CIMAP2: variants seen among roughly 807,000 people sequenced by gnomAD.
CIMAP2 encodes ciliary microtubule-associated protein 2.
the CIMAP2 span, chr1:54,812,282 G>C: frequency 6.5e-7 from 1 of 1,538,374 alleles, no homozygotes. Context: ...CTGTGTGCCA[G>C]GCTCTGCACC....
chr1:54,820,096 CTTTCTT>C, the CIMAP2 span, among the ~76,000 whole-genome samples: 2 of 47,914 alleles, frequency 4.2e-5, no homozygotes, highest in Non-Finnish European at 9.9e-5. Flanking sequence ...CTCCTTCTTT[CTTTCTT>C]TCTCTCTCTC....
chr1:54,817,512 C>G, the CIMAP2 span, among the ~76,000 whole-genome samples: 12 of 152,154 alleles, frequency 7.9e-5, no homozygotes, highest in Admixed American at 6.5e-5. Flanking sequence ...GAATCTGTTT[C>G]TTGGTGTTCA....
the CIMAP2 span, among the ~76,000 whole-genome samples, chr1:54,835,821 A>T: frequency 2.6e-5 from 4 of 152,010 alleles, no homozygotes. Flanking sequence ...GGTCGGGCCC[A>T]GGACTTCTCT....
the CIMAP2 span, among the ~76,000 whole-genome samples, chr1:54,838,833 C>T: frequency 7.9e-5 from 12 of 152,184 alleles, no homozygotes; most frequent in African/African-American, 2.7e-4. Flanking sequence ...GTGTGCAAGG[C>T]CTTTTGCAGC....
At chr1:54,842,168 A>G in the CIMAP2 span, 1 of 504,350 alleles carries the variant, frequency 2.0e-6, no homozygotes, top group Non-Finnish European at 3.5e-6. Flanking sequence ...GACTGAAGGG[A>G]TGGGACGTAG....
chr1:54,838,354 G>A, the CIMAP2 span, among the ~76,000 whole-genome samples: 2 of 151,758 alleles, frequency 1.3e-5, no homozygotes, highest in Non-Finnish European at 2.9e-5. Context: ...GCGGTGGTGG[G>A]TGCCTGTAGT....
the CIMAP2 span, chr1:54,807,162 G>A: frequency 7.0e-6 from 10 of 1,432,712 alleles, no homozygotes; most frequent in African/African-American, 1.1e-4. Flanking sequence ...TGGTGGATGA[G>A]CTGAGCTGTA....
the CIMAP2 span, among the ~76,000 whole-genome samples, chr1:54,814,305 G>A: frequency 4.0e-3 from 602 of 152,300 alleles, 1 homozygote; most frequent in African/African-American, 0.013. Flanking sequence ...GCCTCAGAGC[G>A]TTGGAGGATG....
the CIMAP2 span, among the ~76,000 whole-genome samples, chr1:54,835,591 A>C: frequency 6.6e-6 from 1 of 152,144 alleles, no homozygotes; most frequent in Admixed American, 6.5e-5. Flanking sequence ...TGAAGAGAAA[A>C]AGTGATTTTC....
At chr1:54,819,071 T>C in the CIMAP2 span, among the ~76,000 whole-genome samples, 1 of 152,182 alleles carries the variant, frequency 6.6e-6, no homozygotes, top group Non-Finnish European at 1.5e-5. Context: ...CTGTGAGTGA[T>C]TGGCAGGGGC....
the CIMAP2 span, chr1:54,817,145 G>T: frequency 6.2e-7 from 1 of 1,613,740 alleles, no homozygotes; most frequent in South Asian, 1.1e-5. Flanking sequence ...GGAGCTGCAG[G>T]CGAAGGGGCG....
chr1:54,830,688 T>C, the CIMAP2 span, among the ~76,000 whole-genome samples: 1 of 152,244 alleles, frequency 6.6e-6, no homozygotes, highest in South Asian at 2.1e-4. The surrounding 1 kb of genome is among the most constrained non-coding windows in gnomAD (Gnocchi z 4.1). Context: ...TTATACAGAT[T>C]ATCAAACTGA....
At chr1:54,822,494 T>C in the CIMAP2 span, among the ~76,000 whole-genome samples, 2 of 152,160 alleles carry the variant, frequency 1.3e-5, no homozygotes, top group Non-Finnish European at 2.9e-5. Context: ...CTGAGGTGCA[T>C]TGTTACGTTG....
the CIMAP2 span, chr1:54,841,743 G>A: frequency 4.4e-6 from 7 of 1,594,428 alleles, no homozygotes; most frequent in South Asian, 1.1e-5. Context: ...CAGGGATGAG[G>A]AGCTCACTCC....
At chr1:54,840,041 C>T in the CIMAP2 span, among the ~76,000 whole-genome samples, 2 of 152,114 alleles carry the variant, frequency 1.3e-5, no homozygotes, top group Non-Finnish European at 2.9e-5. Flanking sequence ...TGAGCCACCA[C>T]GCCCAGCCCA....
At chr1:54,819,653 G>A in the CIMAP2 span, among the ~76,000 whole-genome samples, 1 of 152,222 alleles carries the variant, frequency 6.6e-6, no homozygotes, top group African/African-American at 2.4e-5. Context: ...TTATAGACAT[G>A]AGCCACTGTG....
the CIMAP2 span, among the ~76,000 whole-genome samples, chr1:54,835,924 A>C: frequency 1.3e-5 from 2 of 152,080 alleles, no homozygotes; most frequent in Non-Finnish European, 2.9e-5. Flanking sequence ...AGGAAGGCTG[A>C]GGCATAGTTG....
chr1:54,813,699 C>T, the CIMAP2 span: 2 of 1,225,434 alleles, frequency 1.6e-6, no homozygotes, highest in Non-Finnish European at 2.2e-6. Context: ...GGGATGTCTG[C>T]ACAGCAGGAT....
chr1:54,822,872 G>A, the CIMAP2 span, among the ~76,000 whole-genome samples: 28 of 152,174 alleles, frequency 1.8e-4, no homozygotes, highest in African/African-American at 4.8e-4. Context: ...CCATTTATTC[G>A]TACAATTTCC....
Sources: gnomAD v4.1 joint callset for allele counts (sites outside exome capture counted in the v4.1 genomes callset) on GRCh38, gnomAD v4.1.1 for gene constraint, Gnocchi (gnomAD v3.1) non-coding constraint, MANE v1.5 for transcripts, NCBI Gene and HGNC (gene_info 2026-07-23, HGNC 2026-07-21) for gene names.